DCTN5: variants seen among roughly 807,000 people sequenced by gnomAD.
DCTN5 encodes the protein dynactin subunit 5.
DCTN5 carries 14 observed loss-of-function variants against 23.5 expected under a neutral mutation model. That is an observed-to-expected ratio of 0.60 (90% confidence interval 0.39 to 0.93). The LOEUF is 0.93. Among genes scored for constraint, DCTN5 ranks in the 40% least tolerant of loss-of-function variants. The pLI is 0.00. For missense variants in DCTN5, 156 were observed against 225.9 expected, an observed-to-expected ratio of 0.69 and a Z score of 1.98; for synonymous variants, 67 against 79.6, an observed-to-expected ratio of 0.84 and a Z score of 0.84.
chr16:23,642,580 T>C, intron 1 of DCTN5: 1 of 173,394 alleles, frequency 5.8e-6, no homozygotes, highest in Non-Finnish European at 1.2e-5. Flanking sequence ...CCTTCCAGGC[T>C]CAAGCGATCC....
intron 2 of DCTN5, chr16:23,650,826 C>G (rs773447511): frequency 2.3e-5 from 34 of 1,492,658 alleles, no homozygotes; most frequent in African/African-American, 4.2e-5. Flanking sequence ...AGAAAGAGAT[C>G]AGATGAGTCA....
intron 2 of DCTN5, among the ~76,000 whole-genome samples, chr16:23,644,412 T>C (rs533354966): frequency 6.6e-6 from 1 of 150,978 alleles, no homozygotes; most frequent in Non-Finnish European, 1.5e-5. Flanking sequence ...GCCATTCTCC[T>C]GCCTCAGCCT....
chr16:23,641,713 A>G, intron 1 of DCTN5, 123 bp downstream of exon 1: 1 of 992,346 alleles, frequency 1.0e-6, no homozygotes, highest in Non-Finnish European at 1.6e-6. Flanking sequence ...GTCCCGGATT[A>G]TCTAGCGATG....
chr16:23,656,553 C>G (rs1967707376), intron 2 of DCTN5, among the ~76,000 whole-genome samples: 1 of 152,132 alleles, frequency 6.6e-6, no homozygotes, highest in African/African-American at 2.4e-5. Context: ...CTGATTATGT[C>G]TATATGGAAT....
chr16:23,652,052 A>C (rs549991045), intron 2 of DCTN5, among the ~76,000 whole-genome samples: 5 of 152,324 alleles, frequency 3.3e-5, no homozygotes, highest in Middle Eastern at 3.4e-3. Flanking sequence ...AAAAATAAAA[A>C]AGAAAACCAA....
rs1967960912 is a variant in DCTN5, at chr16:23,669,188, CAGA to C, written c.*2049_*2051del. The C allele has an allele frequency of 6.6e-6, 1 of 152,510 alleles. No homozygotes were observed. Among genetic ancestry groups the C allele is most frequent in the African/African-American group, 2.4e-5 (1 of 41,432 alleles). The allele number at this position is 152,510 out of a possible 1,614,324, so 9.4% of individuals were successfully genotyped here. ...AATCTCCTTGTCCTCAAAATACTTC[CAGA>C]AGAACAACCAGATGGGAAGGACCTT... On this transcript the variant is annotated 3_prime_UTR_variant, in exon 6 of 6. Coordinates refer to ENST00000300087, the MANE Select transcript of DCTN5 (RefSeq NM_032486.4).
intron 1 of DCTN5, 22 bp downstream of exon 1, chr16:23,641,612 T>C: frequency 6.2e-7 from 1 of 1,613,580 alleles, no homozygotes; most frequent in Non-Finnish European, 8.5e-7. Context: ...CAGATATGTA[T>C]CCTCCTCTTT....
chr16:23,650,848 T>A, intron 2 of DCTN5: 1 of 1,456,154 alleles, frequency 6.9e-7, no homozygotes, highest in East Asian at 2.5e-5. Context: ...TAAGACTGAG[T>A]GTGAACAATA....
chr16:23,669,773 C>G lies in DCTN5; in HGVS notation c.*2629C>G, dbSNP rs1212023850. 1 of 152,238 alleles carries G rather than the reference C, an allele frequency of 6.6e-6. No individual in the cohort carries two copies. Among genetic ancestry groups the G allele is most frequent in the Non-Finnish European group, 1.5e-5 (1 of 68,094 alleles). 9.4% of individuals were successfully genotyped at this position (152,238 alleles called of 1,614,324 possible). On this transcript the variant is annotated 3_prime_UTR_variant, in exon 6 of 6. Transcript: ENST00000300087. ...GGAGTTGCCTTCTGAGGATACTCCA[C>G]TGGGGGTACCTGAGCCTGGATTAGA...
rs148650791 is a variant in DCTN5 at position 23,653,896 on chromosome 16, A to G, written c.118-4611A>G. Among the ~76,000 whole-genome samples the G allele has an allele frequency of 4.2e-3, 640 of 152,362 alleles. 4 individuals are homozygous for G. The highest frequency in any genetic ancestry group is 0.015 in the African/African-American group (622 of 41,582). On this transcript the variant is annotated intron_variant, in intron 2 of 5. Transcript: ENST00000300087. ...TAAAAAGTGGGCAAAGGACATGAAC[A>G]GACACTTTTCAAAAGAAGAAATACA...
At chr16:23,659,367 T>G (rs1967769864) in intron 3 of DCTN5, among the ~76,000 whole-genome samples, 1 of 152,248 alleles carries the variant, frequency 6.6e-6, no homozygotes, top group African/African-American at 2.4e-5. Context: ...TTTGCCTCTT[T>G]GCTTCTCTCC....
intron 2 of DCTN5, among the ~76,000 whole-genome samples, chr16:23,645,089 A>ATATCTATATC (rs1967400692): frequency 8.6e-5 from 1 of 11,670 alleles, no homozygotes; most frequent in East Asian, 3.2e-3. Context: ...CTAACTATAT[A>ATATCTATATC]TATATATATA....
At chr16:23,666,461 T>G (rs1355477107) in intron 5 of DCTN5, 1 of 153,664 alleles carries the variant, frequency 6.5e-6, no homozygotes, top group Non-Finnish European at 1.4e-5. Flanking sequence ...GAAACAAAAG[T>G]GATACGTACT....
At chr16:23,661,752 A>T (rs1967816677) in intron 4 of DCTN5, among the ~76,000 whole-genome samples, 1 of 151,748 alleles carries the variant, frequency 6.6e-6, no homozygotes, top group South Asian at 2.1e-4. Flanking sequence ...ATAAATAAAT[A>T]AAAAGATTTG....
At chr16:23,645,137 AT>A (rs869033729) in intron 2 of DCTN5, among the ~76,000 whole-genome samples, 46 of 30,796 alleles carry the variant, frequency 1.5e-3, no homozygotes, top group South Asian at 6.4e-3. Context: ...ATATATATAT[AT>A]TTTTTTTTTT....
At chr16:23,657,586 G>T in intron 2 of DCTN5, 1 of 305,352 alleles carries the variant, frequency 3.3e-6, no homozygotes, top group Non-Finnish European at 6.6e-6. Context: ...GATTACTGCA[G>T]GTACTTGCCA....
At chr16:23,645,102 T>A (rs1473189228) in intron 2 of DCTN5, among the ~76,000 whole-genome samples, 1 of 30,330 alleles carries the variant, frequency 3.3e-5, no homozygotes, top group Admixed American at 3.8e-4. Flanking sequence ...TATATATATA[T>A]ATATATATAT....
intron 2 of DCTN5, among the ~76,000 whole-genome samples, chr16:23,654,020 A>G (rs912140340): frequency 3.3e-5 from 5 of 152,232 alleles, no homozygotes; most frequent in Admixed American, 3.3e-4. Context: ...CTGTTATTAA[A>G]AAGTCAGAAA....
chr16:23,666,869 TC>T, intron 5 of DCTN5, 177 bp from the exon 6 acceptor site: 1 of 906,382 alleles, frequency 1.1e-6, no homozygotes, highest in Non-Finnish European at 1.6e-6. Flanking sequence ...CATATTGGGG[TC>T]CTGCTGTGAA....
Sources: gnomAD v4.1 joint callset for allele counts (sites outside exome capture counted in the v4.1 genomes callset) on GRCh38, gnomAD v4.1.1 for gene constraint, MANE v1.5 for transcripts, NCBI Gene and HGNC (gene_info 2026-07-23, HGNC 2026-07-21) for gene names.